The following FIBCD1 variants were observed in gnomAD, a reference collection of about 807,000 sequenced individuals.
The protein encoded by FIBCD1 is fibrinogen C domain-containing protein 1.
In FIBCD1, 47 loss-of-function variants were observed where a neutral mutation model predicts 45.1. The observed-to-expected ratio is 1.04, with a 90% CI of 0.82 to 1.33. The LOEUF (loss-of-function observed/expected upper bound fraction) is 1.33, where lower values mean the gene tolerates loss of function less well. FIBCD1 is among the 40% of genes most tolerant of loss of function. The pLI, the probability that FIBCD1 is intolerant of heterozygous loss-of-function variation, is 0.00. For missense variants in FIBCD1, 653 were observed against 682.2 expected, an observed-to-expected ratio of 0.96 and a Z score of 0.48; for synonymous variants, 313 against 308.1, an observed-to-expected ratio of 1.02 and a Z score of -0.17.
Position 130,924,351 on chromosome 9 carries a change from C to G in FIBCD1, c.598G>C (p.Val200Leu). ...QGHMAHLVNS[V>L]SDILDALQRD... Reference sequence around the variant, plus strand: ...TGCAGGGCATCCAGGATGTCGCTGACGGAGTTCACCAGGTGAGCCATGTGG... The same window carrying G: ...TGCAGGGCATCCAGGATGTCGCTGAGGGAGTTCACCAGGTGAGCCATGTGG... The change falls in exon 3 of 7, where the codon GTC becomes CTC. Residue 200 changes from valine to leucine, a missense_variant. By Grantham distance (32) the Val-to-Leu change is conservative (BLOSUM62 1). Transcript: ENST00000372338. The G allele has an allele frequency of 6.2e-7, 1 of 1,609,398 alleles. No individual in the cohort carries two copies. Among genetic ancestry groups the G allele is most frequent in the Non-Finnish European group, 8.5e-7 (1 of 1,179,024 alleles).
chr9:130,930,456 A>AGACGCG (rs1564340968), intron 1 of FIBCD1, among the ~76,000 whole-genome samples: 156 of 80,090 alleles, frequency 1.9e-3, no homozygotes, highest in African/African-American at 4.6e-3. Flanking sequence ...GGGGAGACGC[A>AGACGCG]GGGAGACGCG....
intron 4 of FIBCD1, among the ~76,000 whole-genome samples, chr9:130,917,851 C>T (rs1832193977): frequency 6.6e-6 from 1 of 152,128 alleles, no homozygotes; most frequent in Non-Finnish European, 1.5e-5. Context: ...CTGAGATGGC[C>T]AGAGGAGTGG....
intron 5 of FIBCD1, among the ~76,000 whole-genome samples, chr9:130,909,404 C>T (rs1831996769): frequency 1.3e-5 from 2 of 152,340 alleles, no homozygotes; most frequent in Admixed American, 1.3e-4. Flanking sequence ...TTCCCCAGCA[C>T]CTGTGCGTTT....
At chr9:130,904,482 C>T (rs967152305) in intron 6 of FIBCD1, among the ~76,000 whole-genome samples, 159 bp from the exon 7 acceptor site, 1 of 152,140 alleles carries the variant, frequency 6.6e-6, no homozygotes, top group African/African-American at 2.4e-5. Flanking sequence ...CGCGTGCAAG[C>T]GCACCTGCCC....
intron 5 of FIBCD1, 22 bp downstream of exon 5, chr9:130,911,770 G>T (rs377304322): frequency 1.7e-4 from 263 of 1,580,010 alleles, no homozygotes; most frequent in Non-Finnish European, 2.2e-4. Context: ...CACCTGGGCC[G>T]GATGGTGGGT....
rs117058769 is a variant in FIBCD1 at position 130,933,262 on chromosome 9, G to A, written c.73-3216C>T. On this transcript the variant is annotated intron_variant, in intron 1 of 6. Transcript: ENST00000372338. ...ACGTGCCTTGCGAAGAAATCTGCCC[G>A]AGATAACAAGGGGGGCTCTGGGCGC... Among the ~76,000 whole-genome samples the A allele has an allele frequency of 1.4e-3, 220 of 152,334 alleles. 1 individual carries two copies. The East Asian group carries it at 0.035, about 24-fold the overall frequency.
chr9:130,930,098 A>G (rs1832422987), intron 1 of FIBCD1, 52 bp from the exon 2 acceptor site: 2 of 1,472,532 alleles, frequency 1.4e-6, no homozygotes, highest in South Asian at 2.8e-5. Context: ...GGGAGAGAGA[A>G]GGGGCCAGCA....
chr9:130,906,438 C>T (rs997547189), intron 5 of FIBCD1, among the ~76,000 whole-genome samples: 7 of 152,220 alleles, frequency 4.6e-5, no homozygotes, highest in African/African-American at 1.4e-4. Context: ...CCATCCCGCC[C>T]GGACAAGAAG....
Position 130,924,306 on chromosome 9 carries a change from G to T in FIBCD1, c.643C>A (p.Arg215=). 6.2e-7 allele frequency: 1 copy of T among 1,604,714 alleles called. No individual in the cohort carries two copies. Among genetic ancestry groups the T allele is most frequent in the Non-Finnish European group, 8.5e-7 (1 of 1,177,116 alleles). Residue 215 remains arginine (R), a synonymous_variant, in exon 3 of 7, where the codon CGG becomes AGG. Transcript: ENST00000372338. ...TGAAGGTCGGCCTTGTTGCGGGGCC[G>T]GCCCAGCCCCCGGTCCCTCTGCAGG... ...DALQRDRGLG[R]PRNKADLQRA...
In FIBCD1 at chr9:130,904,143, T is replaced by C. The variant is rs116149234; in HGVS notation, c.1307A>G (p.Glu436Gly). The change falls in exon 7 of 7, where the codon GAG (glutamate) becomes GGG (glycine). Residue 436 changes from glutamate (E) to glycine (G), a missense_variant. By Grantham distance (98) the Glu-to-Gly change is moderately conservative (BLOSUM62 -2). Transcript: ENST00000372338. ...CTGCCAGCCGGTCCAGGAGGACCACTCCACGCCGTCGGCATAGGAGGCGTG... is the reference window on the plus strand; with the variant it reads ...CTGCCAGCCGGTCCAGGAGGACCACCCCACGCCGTCGGCATAGGAGGCGTG... ...GAHASYADGVEWSSWTGWQYS... is the reference protein window; with the variant it reads ...GAHASYADGVGWSSWTGWQYS... 3.1e-6 allele frequency: 5 copies of C among 1,613,378 alleles called. No homozygotes were observed. In the African/African-American group the frequency reaches 6.7e-5, roughly 22 times the overall value.
intron 1 of FIBCD1, chr9:130,938,316 C>T (rs918435201): frequency 2.3e-6 from 1 of 427,364 alleles, no homozygotes; most frequent in South Asian, 3.9e-5. Context: ...TGGCCCGCAG[C>T]GCGCGTGGCT....
At chr9:130,909,844 C>T (rs1832003545) in intron 5 of FIBCD1, among the ~76,000 whole-genome samples, 1 of 152,058 alleles carries the variant, frequency 6.6e-6, no homozygotes, top group South Asian at 2.1e-4. Flanking sequence ...ATTGACAGAA[C>T]CTTCTGAGCT....
At chr9:130,932,777 C>A (rs1832461645) in intron 1 of FIBCD1, among the ~76,000 whole-genome samples, 1 of 152,228 alleles carries the variant, frequency 6.6e-6, no homozygotes, top group Admixed American at 6.5e-5. Flanking sequence ...GCCAGGGCCG[C>A]TAACTGGGCC....
Position 130,904,069 on chromosome 9 carries a change from G to T in FIBCD1, c.1381C>A (p.Arg461Ser), listed in dbSNP as rs767273025. 1 of 1,612,262 alleles carries T rather than the reference G, an allele frequency of 6.2e-7. No individual in the cohort carries two copies. Among genetic ancestry groups the T allele is most frequent in the Admixed American group, 1.7e-5 (1 of 59,946 alleles). The change falls in exon 7 of 7, where the codon CGC (arginine) becomes AGC (serine). Residue 461 changes from arginine to serine, a missense_variant. Arg to Ser is a moderately radical substitution (Grantham distance 110). Transcript: ENST00000372338. ...CAAGGACAAGGTGCACCAGTCTAGC[G>T]GTCCTCCCGGACCGGCCGGATCTTC... ...EMKIRPVREDR is the reference protein window; with the variant it reads ...EMKIRPVREDS
chr9:130,907,320 C>A (rs1390753131), intron 5 of FIBCD1, among the ~76,000 whole-genome samples: 1 of 152,198 alleles, frequency 6.6e-6, no homozygotes, highest in African/African-American at 2.4e-5. Flanking sequence ...TCCACGCCAC[C>A]TCCTCCCTCC....
Position 130,902,641 on chromosome 9 carries a change from G to A in FIBCD1, c.*1423C>T, listed in dbSNP as rs547909750. The A allele has an allele frequency of 3.3e-5, 5 of 152,372 alleles. No homozygotes were observed. Among genetic ancestry groups the A allele is most frequent in the African/African-American group, 9.6e-5 (4 of 41,586 alleles). 9.4% of individuals were successfully genotyped at this position (152,372 alleles called of 1,614,324 possible). A position where few individuals can be genotyped will look rare whatever the true frequency, so the allele number is the denominator to read the frequency against. Reference sequence around the variant, plus strand: ...GAGGAAGCCACCTCCCCTCCTGCCCGAGGAGAGGCTGCTAGGCAGCTCCCC... The same window carrying A: ...GAGGAAGCCACCTCCCCTCCTGCCCAAGGAGAGGCTGCTAGGCAGCTCCCC... On this transcript the variant is annotated 3_prime_UTR_variant, in exon 7 of 7. Transcript: ENST00000372338.
intron 4 of FIBCD1, among the ~76,000 whole-genome samples, chr9:130,913,007 G>A (rs969384055): frequency 6.6e-6 from 1 of 152,180 alleles, no homozygotes; most frequent in Admixed American, 6.5e-5. Flanking sequence ...CGATGGCTCA[G>A]GGGAGGACGA....
At chr9:130,935,212 G>A (rs1832500812) in intron 1 of FIBCD1, among the ~76,000 whole-genome samples, 1 of 152,168 alleles carries the variant, frequency 6.6e-6, no homozygotes, top group African/African-American at 2.4e-5. Context: ...AAAGCGTCAA[G>A]AGATCTTGCC....
chr9:130,911,395 G>A (rs994711241), intron 5 of FIBCD1, among the ~76,000 whole-genome samples: 20 of 152,306 alleles, frequency 1.3e-4, no homozygotes, highest in Admixed American at 3.3e-4. Context: ...TTCCATGCCT[G>A]GTGTCCCTGG....
Sources: allele counts gnomAD v4.1 joint callset (sites outside exome capture counted in the v4.1 genomes callset), GRCh38; gene constraint gnomAD v4.1.1; transcripts MANE v1.5; gene names NCBI Gene and HGNC (gene_info 2026-07-23, HGNC 2026-07-21).